Variants in TRMT44 observed in about 807,000 individuals in gnomAD.
TRMT44 encodes the protein tRNA methyltransferase 44 homolog.
A neutral mutation model predicts 77.3 loss-of-function variants in TRMT44; 78 were observed. That is an observed-to-expected ratio of 1.01 (90% CI 0.84 to 1.22). The LOEUF is 1.22. Among genes scored for constraint, TRMT44 ranks in the 50% most tolerant of loss-of-function variants. The pLI, the probability that TRMT44 is intolerant of heterozygous loss-of-function variation, is 0.00. For synonymous variants in TRMT44, 391 were observed against 383.3 expected, an observed-to-expected ratio of 1.02 and a Z score of -0.23; for missense variants, 1,090 against 964.4, an observed-to-expected ratio of 1.13 and a Z score of -1.73.
At chr4:8,473,652 GGGA>G (rs1727176643) in intron 10 of TRMT44, 1 of 152,578 alleles carries the variant, frequency 6.6e-6, no homozygotes, top group East Asian at 1.9e-4. Context: ...ACGGTAAGGA[GGGA>G]GGAGGCGGCA....
the TRMT44 span, among the ~76,000 whole-genome samples, chr4:8,515,814 G>C: frequency 6.6e-6 from 1 of 152,334 alleles, no homozygotes; most frequent in South Asian, 2.1e-4. Flanking sequence ...CATGGGGCTG[G>C]TTCAGGGCTG....
chr4:8,475,916 C>T lies in TRMT44; in HGVS notation c.2189C>T (p.Ala730Val). Residue 730 changes from alanine to valine, a missense_variant, in exon 11 of 11, where the codon GCT (alanine) becomes GTT (valine). Transcript: ENST00000389737. ...TTCATGCATCACCCTGATGGCTGCGCTCTGTCCACGGACTGCTGCCCGTTT... is the reference window on the plus strand; with the variant it reads ...TTCATGCATCACCCTGATGGCTGCGTTCTGTCCACGGACTGCTGCCCGTTT... ...WFFMHHPDGC[A>V]LSTDCCPFAH... 6.2e-7 allele frequency: 1 copy of T among 1,614,220 alleles called. No individual in the cohort carries two copies. Among genetic ancestry groups the T allele is most frequent in the Non-Finnish European group, 8.5e-7 (1 of 1,180,042 alleles).
chr4:8,495,848 T>C (rs1238341556), downstream of TRMT44, among the ~76,000 whole-genome samples: 3 of 152,212 alleles, frequency 2.0e-5, no homozygotes, highest in East Asian at 3.8e-4. Context: ...GTACCTCTGA[T>C]TGGTTCCCTC....
chr4:8,464,320 A>G (rs187794528), intron 7 of TRMT44, among the ~76,000 whole-genome samples: 3 of 152,354 alleles, frequency 2.0e-5, no homozygotes, highest in Admixed American at 2.0e-4. Flanking sequence ...ATATAAAATT[A>G]CTGAGATTGT....
At chr4:8,454,168 C>T (rs1725638015) in intron 5 of TRMT44, among the ~76,000 whole-genome samples, 1 of 152,206 alleles carries the variant, frequency 6.6e-6, no homozygotes, top group South Asian at 2.1e-4. Flanking sequence ...AGAGAATTGG[C>T]TCACGTTCTC....
the TRMT44 span, chr4:8,512,599 T>C: frequency 2.6e-5 from 4 of 152,362 alleles, no homozygotes; most frequent in East Asian, 3.9e-4. Flanking sequence ...AATGAAGAGA[T>C]GTCCTTTTTG....
chr4:8,484,056 A>G lies in TRMT44; in HGVS notation n.3891+4523A>G, dbSNP rs114330026. Among the ~76,000 whole-genome samples, 1,187 of 152,290 alleles carry G rather than the reference A, an allele frequency of 7.8e-3. 14 individuals are homozygous for G. Among genetic ancestry groups the G allele is most frequent in the African/African-American group, 0.027 (1,136 of 41,550 alleles). ...TATTTCCTTGAGATTTCCAGGATGG[A>G]AAGGAAATGACAGGTTCTAAGAGGC... On this transcript the variant is annotated intron_variant and non_coding_transcript_variant, in intron 2 of 2. Transcript: ENST00000511366.
intron 10 of TRMT44, among the ~76,000 whole-genome samples, chr4:8,475,213 C>T (rs940529957): frequency 6.6e-6 from 1 of 152,240 alleles, no homozygotes; most frequent in Admixed American, 6.5e-5. Flanking sequence ...CCTTGCCCCT[C>T]TTTCTGCCCG....
chr4:8,477,448 G>C (rs951449700), downstream of TRMT44: 1 of 152,254 alleles, frequency 6.6e-6, no homozygotes. Context: ...CCAGTTTGTC[G>C]AGCAGCTGCA....
In TRMT44 at chr4:8,449,671, T is replaced by A. The variant is rs1432822128; in HGVS notation, c.737T>A (p.Phe246Tyr). 3.9e-6 allele frequency: 6 copies of A among 1,533,412 alleles called. No homozygotes were observed. The highest frequency in any genetic ancestry group is 4.4e-6 in the Non-Finnish European group (5 of 1,144,520). 95.0% of individuals were successfully genotyped at this position (1,533,412 alleles called of 1,614,324 possible). The change falls in exon 3 of 11, where the codon TTC becomes TAC. Residue 246 changes from phenylalanine (F) to tyrosine (Y), a missense_variant and splice_region_variant. Physicochemically the swap from Phe to Tyr is conservative, Grantham distance 22. Transcript: ENST00000389737. ...TCATATTTCTCTTATTTTTAAAGGT[T>A]CATATCTGTTTTAATTTTCTGTCCA... ...IQLSHSKEEW[F>Y]ISVLIFCPER...
intron 10 of TRMT44, among the ~76,000 whole-genome samples, chr4:8,475,112 G>A (rs10015429): frequency 0.13 from 19,363 of 152,190 alleles, 1,483 homozygotes; most frequent in African/African-American, 0.21. Context: ...CGGTTGGGAG[G>A]CGCATGTAAA....
intron 6 of TRMT44, among the ~76,000 whole-genome samples, chr4:8,455,485 G>A (rs1213350792): frequency 6.6e-6 from 1 of 152,206 alleles, no homozygotes; most frequent in Non-Finnish European, 1.5e-5. Context: ...ATATCTTTGG[G>A]CCAGTCCTCT....
the TRMT44 span, chr4:8,512,718 G>A: frequency 6.6e-6 from 1 of 152,126 alleles, no homozygotes; most frequent in African/African-American, 2.4e-5. Context: ...CCAGACGTAG[G>A]GTGTCCTTCA....
rs752562419 is a variant in TRMT44, at chr4:8,454,901, G to A, written c.1203+88G>A. On this transcript the variant is annotated intron_variant, in intron 6 of 10. Coordinates refer to ENST00000389737, the MANE Select transcript of TRMT44 (RefSeq NM_152544.3). ...GTAATGAATGTGTCTCTTTGTATAG[G>A]TCAAGCAGACATGCTGATAGTAAAC... The A allele has an allele frequency of 1.3e-4, 152 of 1,189,476 alleles. No homozygotes were observed. The East Asian group carries it at 3.1e-3, about 24-fold the overall frequency. 73.7% of individuals were successfully genotyped at this position (1,189,476 alleles called of 1,614,324 possible).
In TRMT44 at chr4:8,440,801, G is replaced by A; in HGVS notation, c.-22G>A. On this transcript the variant is annotated 5_prime_UTR_variant, in exon 1 of 11. Coordinates refer to ENST00000389737, the MANE Select transcript of TRMT44 (RefSeq NM_152544.3). ...CGTCATCTCGGCGCGCCGCTGCCAG[G>A]GCTGTACACCTGCTGGCTGCCATGG... 1 of 1,420,998 alleles carries A rather than the reference G, an allele frequency of 7.0e-7. No homozygotes were observed. The highest frequency in any genetic ancestry group is 1.5e-5 in the South Asian group (1 of 66,936). 88.0% of individuals were successfully genotyped at this position (1,420,998 alleles called of 1,614,324 possible). A position where few individuals can be genotyped will look rare whatever the true frequency, so the allele number is the denominator to read the frequency against.
At chr4:8,496,058 A>C (rs540711461), downstream of TRMT44, among the ~76,000 whole-genome samples, 1 of 152,276 alleles carries the variant, frequency 6.6e-6, no homozygotes, top group East Asian at 1.9e-4. Flanking sequence ...AGCAGTGGGA[A>C]ACCTTCATTT....
At chr4:8,478,934 C>T (rs1356051440), downstream of TRMT44, 1 of 152,218 alleles carries the variant, frequency 6.6e-6, no homozygotes. Flanking sequence ...ACCATGGTGA[C>T]CGCAGCCCCT....
chr4:8,498,747 T>A, the TRMT44 span, among the ~76,000 whole-genome samples: 1 of 152,114 alleles, frequency 6.6e-6, no homozygotes, highest in African/African-American at 2.4e-5. This position sits in a 1 kb window ranked among gnomAD's most constrained non-coding sequence, Gnocchi z 4.3. Flanking sequence ...GTCTGGCTGA[T>A]GGTCTGTGAG....
intron 1 of TRMT44, 95 bp downstream of exon 1, chr4:8,441,536 C>T (rs1237729503): frequency 1.5e-6 from 2 of 1,369,158 alleles, no homozygotes; most frequent in Non-Finnish European, 1.9e-6. Flanking sequence ...ACTAGTTCCT[C>T]TGCGATGTCC....
Sources: allele counts gnomAD v4.1 joint callset (sites outside exome capture counted in the v4.1 genomes callset), GRCh38; gene constraint gnomAD v4.1.1; non-coding constraint Gnocchi (gnomAD v3.1); transcripts MANE v1.5; gene names NCBI Gene and HGNC (gene_info 2026-07-23, HGNC 2026-07-21).